NRXN3: variants seen among roughly 807,000 people sequenced by gnomAD.
NRXN3 encodes the protein neurexin III.
A neutral mutation model predicts 137.6 loss-of-function variants in NRXN3; 32 were observed. The observed-to-expected ratio is 0.23, with a 90% CI of 0.18 to 0.31. The LOEUF (loss-of-function observed/expected upper bound fraction) is 0.31, where lower values mean the gene tolerates loss of function less well. NRXN3 is among the 10% of genes least tolerant of loss of function. The pLI is 1.00. For synonymous variants in NRXN3, 798 were observed against 784.5 expected (o/e 1.02, Z -0.29); for missense variants, 1,574 against 2,062.5 (o/e 0.76, Z 4.59).
chr14:79,616,317 AG>A (rs2098155270), intron 16 of NRXN3, among the ~76,000 whole-genome samples: 1 of 152,090 alleles, frequency 6.6e-6, no homozygotes, highest in Non-Finnish European at 1.5e-5. Flanking sequence ...GAAATCTTTA[AG>A]GGGTACATTT....
chr14:78,649,684 T>C (rs956883353), intron 5 of NRXN3, among the ~76,000 whole-genome samples: 1 of 152,010 alleles, frequency 6.6e-6, no homozygotes, highest in Non-Finnish European at 1.5e-5. Flanking sequence ...CTTCCTTCTT[T>C]CTGTGCCTTC....
At chr14:79,798,645 G>A (rs2099167935) in intron 19 of NRXN3, among the ~76,000 whole-genome samples, 1 of 152,160 alleles carries the variant, frequency 6.6e-6, no homozygotes, top group South Asian at 2.1e-4. Flanking sequence ...TGCTTCCAAG[G>A]AGATGGGTGG....
chr14:78,745,465 G>C (rs1201460207), intron 8 of NRXN3: 1 of 152,090 alleles, frequency 6.6e-6, no homozygotes, highest in Non-Finnish European at 1.5e-5. Flanking sequence ...ACCACAGAGA[G>C]TTTGTTAGAC....
At chr14:78,795,388 C>T (rs1033100862) in intron 8 of NRXN3, among the ~76,000 whole-genome samples, 2 of 152,148 alleles carry the variant, frequency 1.3e-5, no homozygotes, top group Admixed American at 1.3e-4. Flanking sequence ...CCAATCCCTT[C>T]CTTTATTTGG....
At chr14:79,453,120 A>G (rs1233321672) in intron 15 of NRXN3, among the ~76,000 whole-genome samples, 1 of 152,060 alleles carries the variant, frequency 6.6e-6, no homozygotes, top group Non-Finnish European at 1.5e-5. Flanking sequence ...CTGGAGAATT[A>G]TTTCATTCAA....
At chr14:78,219,150 T>C (rs1219411231) in intron 1 of NRXN3, among the ~76,000 whole-genome samples, 1 of 114,446 alleles carries the variant, frequency 8.7e-6, no homozygotes, top group Admixed American at 7.8e-5. Flanking sequence ...GTTAGGAGTT[T>C]TGGTGGGAGG....
chr14:79,654,080 G>A (rs548963129), intron 16 of NRXN3, among the ~76,000 whole-genome samples: 21 of 152,308 alleles, frequency 1.4e-4, no homozygotes, highest in Non-Finnish European at 2.6e-4. Context: ...CCTTATCTGA[G>A]AATGTTACAT....
intron 19 of NRXN3, among the ~76,000 whole-genome samples, chr14:79,757,588 A>C (rs532315356): frequency 2.7e-4 from 41 of 152,296 alleles, no homozygotes; most frequent in African/African-American, 9.9e-4. Flanking sequence ...CAATTTCAAA[A>C]TTCTGTGAAG....
At chr14:79,092,560 G>A (rs980663989) in intron 15 of NRXN3, among the ~76,000 whole-genome samples, 1 of 152,044 alleles carries the variant, frequency 6.6e-6, no homozygotes, top group African/African-American at 2.4e-5. Context: ...ATATGTCCTG[G>A]ATATCTCTCC....
Position 79,454,872 on chromosome 14 carries a change from C to T in NRXN3, c.3263-12349C>T, listed in dbSNP as rs184566670. On this transcript the variant is annotated intron_variant, in intron 15 of 20. Coordinates refer to ENST00000335750, the MANE Select transcript of NRXN3 (RefSeq NM_001330195.2). ...AGTAATGAATTTTGTTAACAGATAT[C>T]TTTAAGCTGAAATACACTACTTTTC... Among the ~76,000 whole-genome samples, 415 of 152,214 alleles carry T rather than the reference C, an allele frequency of 2.7e-3. 3 individuals carry two copies. The highest frequency in any genetic ancestry group is 9.6e-3 in the African/African-American group (399 of 41,556).
At chr14:78,424,162 A>G (rs1042895961) in intron 4 of NRXN3, among the ~76,000 whole-genome samples, 1 of 152,126 alleles carries the variant, frequency 6.6e-6, no homozygotes, top group Admixed American at 6.5e-5. Context: ...CTCCTTCTAC[A>G]TTTTATCTCC....
chr14:79,093,688 G>A (rs949100143), intron 15 of NRXN3, among the ~76,000 whole-genome samples: 1 of 152,140 alleles, frequency 6.6e-6, no homozygotes, highest in Admixed American at 6.5e-5. Context: ...TTGCAAAACT[G>A]AAAGCACTTG....
At chr14:79,827,248 G>A (rs916542373) in intron 20 of NRXN3, among the ~76,000 whole-genome samples, 20 of 152,138 alleles carry the variant, frequency 1.3e-4, no homozygotes, top group African/African-American at 4.8e-4. Context: ...ACAAGGCAGG[G>A]GTGGGTGCTA....
chr14:78,865,372 T>C (rs2099084115), intron 10 of NRXN3, among the ~76,000 whole-genome samples: 2 of 152,196 alleles, frequency 1.3e-5, no homozygotes, highest in South Asian at 4.1e-4. Context: ...AGTGAAGTTG[T>C]AAAAGTAAGA....
chr14:78,868,424 C>G (rs1350913960), intron 10 of NRXN3, among the ~76,000 whole-genome samples: 1 of 152,068 alleles, frequency 6.6e-6, no homozygotes, highest in Non-Finnish European at 1.5e-5. Context: ...TTACAGGTGA[C>G]TAGTCAGTAA....
At chr14:79,059,505 C>T (rs1012813832) in intron 15 of NRXN3, among the ~76,000 whole-genome samples, 1 of 152,080 alleles carries the variant, frequency 6.6e-6, no homozygotes, top group Non-Finnish European at 1.5e-5. Context: ...GATCCCCCAG[C>T]CTTGACCTCC....
intron 4 of NRXN3, among the ~76,000 whole-genome samples, chr14:78,347,637 CTGTTG>C (rs2082931965): frequency 6.6e-6 from 1 of 152,154 alleles, no homozygotes; most frequent in African/African-American, 2.4e-5. Flanking sequence ...AGACCTGACC[CTGTTG>C]TGCCACAAAA....
intron 6 of NRXN3, among the ~76,000 whole-genome samples, chr14:78,702,405 A>G (rs1443968697): frequency 1.3e-5 from 2 of 149,518 alleles, no homozygotes; most frequent in South Asian, 4.2e-4. Flanking sequence ...AGGCTTGACA[A>G]TTGGCTTAGA....
At chr14:79,242,760 G>C (rs1485971979) in intron 15 of NRXN3, among the ~76,000 whole-genome samples, 2 of 152,132 alleles carry the variant, frequency 1.3e-5, no homozygotes, top group African/African-American at 4.8e-5. Context: ...ATTCTGCTGG[G>C]ACTGCACAAC....
Sources: gnomAD v4.1 joint callset for allele counts (sites outside exome capture counted in the v4.1 genomes callset) on GRCh38, gnomAD v4.1.1 for gene constraint, MANE v1.5 for transcripts, NCBI Gene and HGNC (gene_info 2026-07-23, HGNC 2026-07-21) for gene names.